Variants in GGCT observed in about 807,000 individuals in gnomAD.
GGCT encodes gamma-glutamylcyclotransferase.
A neutral mutation model predicts 22.1 loss-of-function variants in GGCT; 20 were observed. The observed-to-expected ratio is 0.91, with a 90% confidence interval of 0.64 to 1.32. The LOEUF is 1.32. Ranked by LOEUF, GGCT falls within the 40% of genes most tolerant of loss-of-function variation. The pLI is 0.00. For synonymous variants in GGCT, 72 were observed against 78.4 expected (o/e 0.92, Z 0.43); for missense variants, 209 against 223.5 (o/e 0.94, Z 0.41).
chr7:30,498,945 C>G lies in GGCT; in HGVS notation c.288-7G>C. Reference sequence around the variant, plus strand: ...ACTTTTAACCCCTTCTTGCCTGAAACCAGAACAGCCAAATTTTAACCACAT... The same window carrying G: ...ACTTTTAACCCCTTCTTGCCTGAAAGCAGAACAGCCAAATTTTAACCACAT... On this transcript the variant is annotated splice_region_variant and splice_polypyrimidine_tract_variant and intron_variant, in intron 2 of 3. Transcript: ENST00000275428. 1 of 1,613,798 alleles carries G rather than the reference C, an allele frequency of 6.2e-7. No homozygotes were observed. Among genetic ancestry groups the G allele is most frequent in the Non-Finnish European group, 8.5e-7 (1 of 1,179,810 alleles).
chr7:30,498,081 A>C (rs1267098945), intron 3 of GGCT, among the ~76,000 whole-genome samples: 2 of 147,298 alleles, frequency 1.4e-5, no homozygotes, highest in African/African-American at 2.5e-5. Context: ...AGAAAGAGAA[A>C]GAGAGAGAGA....
intron 1 of GGCT, 81 bp from the exon 2 acceptor site, chr7:30,500,762 G>A (rs1047867054): frequency 3.5e-6 from 4 of 1,129,182 alleles, no homozygotes; most frequent in Non-Finnish European, 5.2e-6. Flanking sequence ...GATTTACCTT[G>A]AACTCCATGC....
intron 1 of GGCT, 76 bp from the exon 2 acceptor site, chr7:30,500,757 A>C: frequency 8.4e-7 from 1 of 1,188,118 alleles, no homozygotes; most frequent in Middle Eastern, 2.6e-4. Flanking sequence ...AAAAGGATTT[A>C]CCTTGAACTC....
intron 2 of GGCT, among the ~76,000 whole-genome samples, chr7:30,499,629 T>TG (rs1394823381): frequency 6.6e-6 from 1 of 151,468 alleles, no homozygotes; most frequent in Non-Finnish European, 1.5e-5. Context: ...GGAGAATCAC[T>TG]GGAACCCGGG....
chr7:30,498,563 G>A (rs1045112766), intron 3 of GGCT, among the ~76,000 whole-genome samples: 6 of 152,030 alleles, frequency 3.9e-5, no homozygotes, highest in African/African-American at 7.2e-5. Flanking sequence ...GGGATTACAG[G>A]TGCTCGCCAC....
intron 1 of GGCT, among the ~76,000 whole-genome samples, chr7:30,504,296 T>C (rs1475114164): frequency 2.0e-5 from 3 of 152,230 alleles, no homozygotes; most frequent in African/African-American, 7.2e-5. Context: ...GTTAAGTTAG[T>C]GGACGAGAGG....
At chr7:30,501,357 G>A (rs1471728607) in intron 1 of GGCT, among the ~76,000 whole-genome samples, 2 of 152,148 alleles carry the variant, frequency 1.3e-5, no homozygotes, top group East Asian at 3.8e-4. Flanking sequence ...CAACATTCTG[G>A]GAGGCCGTGG....
chr7:30,501,056 G>A (rs535670061), intron 1 of GGCT, among the ~76,000 whole-genome samples: 1 of 152,284 alleles, frequency 6.6e-6, no homozygotes, highest in East Asian at 1.9e-4. Context: ...CAAGCTGGGT[G>A]ATGGCTACAT....
At position 30,497,252 on chromosome 7, in the gene GGCT, C is replaced by G. The variant is rs1375786037; in HGVS notation, c.424-17G>C. The G allele has an allele frequency of 1.3e-6, 2 of 1,583,112 alleles. No homozygotes were observed. The highest frequency in any genetic ancestry group is 1.7e-6 in the Non-Finnish European group (2 of 1,167,234). On this transcript the variant is annotated splice_polypyrimidine_tract_variant and intron_variant, in intron 3 of 3. Transcript: ENST00000275428. ...GCAAATAATCTGGAAATGGTTAAAACAAACAGACAAAAAAACCCTTTCAGT... is the reference window on the plus strand; with the variant it reads ...GCAAATAATCTGGAAATGGTTAAAAGAAACAGACAAAAAAACCCTTTCAGT...
In GGCT at chr7:30,496,996, G is replaced by A. The variant is rs1562740120; in HGVS notation, c.*96C>T. 7.8e-6 allele frequency: 6 copies of A among 764,398 alleles called. No individual in the cohort carries two copies. The highest frequency in any genetic ancestry group is 2.2e-5 in the South Asian group (1 of 45,700). 47.4% of individuals were successfully genotyped at this position (764,398 alleles called of 1,614,324 possible). A position where few individuals can be genotyped will look rare whatever the true frequency, so the allele number is the denominator to read the frequency against. ...ACTCCTTCAGAGCACTGCTGAAAAT[G>A]GATCAAACGTGGAGATCCCCCAGAT... On this transcript the variant is annotated 3_prime_UTR_variant, in exon 4 of 4. Transcript: ENST00000275428.
At chr7:30,504,387 C>G (rs569489726) in intron 1 of GGCT, among the ~76,000 whole-genome samples, 182 bp downstream of exon 1, 1 of 152,356 alleles carries the variant, frequency 6.6e-6, no homozygotes, top group African/African-American at 2.4e-5. Flanking sequence ...CACCGTGGCC[C>G]GGGCAGGGCC....
At chr7:30,499,656 G>A (rs1484650130) in intron 2 of GGCT, among the ~76,000 whole-genome samples, 1 of 151,782 alleles carries the variant, frequency 6.6e-6, no homozygotes, top group Non-Finnish European at 1.5e-5. Flanking sequence ...AGGTTGGGGT[G>A]AGCCGAGATC....
chr7:30,497,318 C>T (rs1417244969), intron 3 of GGCT, 83 bp from the exon 4 acceptor site: 7 of 985,868 alleles, frequency 7.1e-6, no homozygotes, highest in South Asian at 3.3e-5. Context: ...GCTTTATTTG[C>T]CTTCTCAAAG....
rs747924241 is a variant in GGCT, at chr7:30,497,939, T to C, written c.424-704A>G. On this transcript the variant is annotated intron_variant, in intron 3 of 3. Coordinates refer to ENST00000275428, the MANE Select transcript of GGCT (RefSeq NM_024051.4). ...TTCAGCAGTAGAAAGTATGTTTTTT[T>C]CCCCTATAAAAATGAATCTTGGTAT... The C allele has an allele frequency of 5.1e-5, 61 of 1,190,964 alleles. No individual in the cohort carries two copies. The East Asian group carries it at 5.2e-4, about 10-fold the overall frequency. 73.8% of individuals were successfully genotyped at this position (1,190,964 alleles called of 1,614,324 possible).
At chr7:30,500,494 C>G in intron 2 of GGCT, 42 bp downstream of exon 2, 1 of 1,527,684 alleles carries the variant, frequency 6.5e-7, no homozygotes, top group Middle Eastern at 1.8e-4. Flanking sequence ...AATCTGCTTT[C>G]TGAATTAATT....
In GGCT at chr7:30,504,688, C is replaced by A; in HGVS notation, c.22G>T (p.Asp8Tyr). The change falls in exon 1 of 4, where the codon GAC becomes TAC. Residue 8 changes from aspartate to tyrosine, a missense_variant. By Grantham distance (160) the Asp-to-Tyr change is radical. Transcript: ENST00000275428. ...CTCTCCTCATCTGGACCCGTGACGT[C>A]CTTGCAGCCCGAGTTGGCCATATCC... MANSGCK[D>Y]VTGPDEESFL... is the part of the protein sequence containing the mutation. 1 of 1,614,148 alleles carries A rather than the reference C, an allele frequency of 6.2e-7. No individual in the cohort carries two copies. The highest frequency in any genetic ancestry group is 8.5e-7 in the Non-Finnish European group (1 of 1,179,958).
rs569549979 is a variant in GGCT, at chr7:30,496,841, G to C, written c.*251C>G. ...GATCAATTCAAGAGAATAGCTTTCA[G>C]TGTTCACAGAAGGGGTACTCACATT... On this transcript the variant is annotated 3_prime_UTR_variant, in exon 4 of 4. Coordinates refer to ENST00000275428, the MANE Select transcript of GGCT (RefSeq NM_024051.4). 4 of 272,842 alleles carry C rather than the reference G, an allele frequency of 1.5e-5. No individual in the cohort carries two copies. In the East Asian group the frequency reaches 2.7e-4, roughly 18 times the overall value. The allele number at this position is 272,842 out of a possible 1,614,324, so 16.9% of individuals were successfully genotyped here.
In GGCT at chr7:30,498,508, C is replaced by G. The variant is rs558378075; in HGVS notation, c.423+295G>C. On this transcript the variant is annotated intron_variant, in intron 3 of 3. Coordinates refer to ENST00000275428, the MANE Select transcript of GGCT (RefSeq NM_024051.4). Reference sequence around the variant, plus strand: ...GATCTCAGCTCACTGCAACCTCCACCTCCTGGGTTCAAGCAATTCTTATGC... The same window carrying G: ...GATCTCAGCTCACTGCAACCTCCACGTCCTGGGTTCAAGCAATTCTTATGC... 7.2e-5 allele frequency among the ~76,000 whole-genome samples: 11 copies of G among 152,306 alleles called. No homozygotes were observed. The East Asian group carries it at 2.1e-3, about 29-fold the overall frequency.
At chr7:30,498,450 C>T (rs1237257896) in intron 3 of GGCT, among the ~76,000 whole-genome samples, 1 of 152,040 alleles carries the variant, frequency 6.6e-6, no homozygotes, top group Non-Finnish European at 1.5e-5. Flanking sequence ...TTGAGAGTGT[C>T]TCACTATCAC....
Sources: gnomAD v4.1 joint callset for allele counts (sites outside exome capture counted in the v4.1 genomes callset) on GRCh38, gnomAD v4.1.1 for gene constraint, MANE v1.5 for transcripts, NCBI Gene and HGNC (gene_info 2026-07-23, HGNC 2026-07-21) for gene names.